NALCN: variants seen among roughly 807,000 people sequenced by gnomAD.
NALCN encodes the protein sodium leak channel NALCN.
Under a neutral mutation model 225.3 loss-of-function variants are expected in NALCN, and 111 were observed. The ratio of observed to expected loss-of-function variants is 0.49; its 90% confidence interval spans 0.42 to 0.58. The LOEUF is 0.58. Ranked by LOEUF, NALCN falls within the 20% of genes least tolerant of loss-of-function variation. The pLI, the probability that NALCN is intolerant of heterozygous loss-of-function variation, is 0.00. For missense variants in NALCN, 1,378 were observed against 2,202.4 expected (o/e 0.63, Z 7.49); for synonymous variants, 764 against 769.0 (o/e 0.99, Z 0.11).
At chr13:101,369,171 T>G in intron 6 of NALCN, among the ~76,000 whole-genome samples, 1 of 149,858 alleles carries the variant, frequency 6.7e-6, no homozygotes, top group Non-Finnish European at 1.5e-5. Context: ...AATAAATGTG[T>G]GTGTGTGTGT....
At chr13:101,239,441 G>A (rs537271257) in intron 11 of NALCN, among the ~76,000 whole-genome samples, 1 of 152,108 alleles carries the variant, frequency 6.6e-6, no homozygotes, top group Non-Finnish European at 1.5e-5. Flanking sequence ...AACTGTGAAT[G>A]ATAAAGATTT....
chr13:101,316,666 T>C (rs1437371579), intron 7 of NALCN, among the ~76,000 whole-genome samples: 5 of 152,232 alleles, frequency 3.3e-5, no homozygotes, highest in Non-Finnish European at 7.4e-5. Context: ...TACCCTTTTA[T>C]ACCTGTACTC....
chr13:101,224,000 C>G (rs746448952), intron 13 of NALCN, among the ~76,000 whole-genome samples: 2 of 152,142 alleles, frequency 1.3e-5, no homozygotes, highest in Non-Finnish European at 2.9e-5. Flanking sequence ...CCTCCTTACA[C>G]CTAAATGGAA....
intron 15 of NALCN, among the ~76,000 whole-genome samples, chr13:101,171,182 A>G (rs1166628713): frequency 6.6e-6 from 1 of 151,396 alleles, no homozygotes; most frequent in Non-Finnish European, 1.5e-5. Flanking sequence ...TGTTTTATAT[A>G]TATGTGTGTA....
intron 1 of NALCN, among the ~76,000 whole-genome samples, chr13:101,416,082 G>A (rs1227817142): frequency 2.0e-5 from 3 of 151,734 alleles, no homozygotes; most frequent in Admixed American, 6.6e-5. Context: ...CGGCCAGGCC[G>A]GCAAGGACCC....
intron 2 of NALCN, 45 bp from the exon 3 acceptor site, chr13:101,395,410 T>G (rs367571463): frequency 1.3e-6 from 2 of 1,573,778 alleles, no homozygotes; most frequent in Middle Eastern, 3.4e-4. Context: ...ATAACTGATA[T>G]CTCAAACTTG....
At position 101,057,956 on chromosome 13, in the gene NALCN, T is replaced by C. The variant is rs760055949; in HGVS notation, c.5006A>G (p.Gln1669Arg). ...GGACCTACCTGAGGGCAGACGCCAC[T>C]GCCCAAATTTCCTCTGGGGTTTCCC... ...DAGKPQRKFGQWRLPSAPKPI... is the reference protein window; with the variant it reads ...DAGKPQRKFGRWRLPSAPKPI... The change falls in exon 43 of 44, where the codon CAG (glutamine) becomes CGG (arginine). Residue 1669 changes from glutamine to arginine, a missense_variant. This residue lies in a region of NALCN where 145 missense variants were observed against 169.6 expected (regional missense o/e 0.85). Transcript: ENST00000251127. The C allele has an allele frequency of 2.2e-5, 36 of 1,613,912 alleles. 1 individual carries two copies. In the South Asian group the frequency reaches 4.0e-4, roughly 18 times the overall value.
At chr13:101,330,616 C>T (rs1218802781) in intron 7 of NALCN, among the ~76,000 whole-genome samples, 1 of 152,152 alleles carries the variant, frequency 6.6e-6, no homozygotes, top group Non-Finnish European at 1.5e-5. Context: ...TTTACAGTGC[C>T]CCCATAATGC....
chr13:101,079,795 T>G (rs1452113), intron 34 of NALCN, among the ~76,000 whole-genome samples: 24,614 of 152,218 alleles, frequency 0.16, 2,275 homozygotes, highest in Non-Finnish European at 0.22. Context: ...AGAGCTCACC[T>G]AGGCTTCATA....
At chr13:101,384,289 G>C (rs1381310860) in intron 3 of NALCN, among the ~76,000 whole-genome samples, 1 of 152,150 alleles carries the variant, frequency 6.6e-6, no homozygotes, top group Non-Finnish European at 1.5e-5. Context: ...GGAGGGCAGA[G>C]AGTGCTTGAG....
chr13:101,111,920 C>T (rs970281559), intron 18 of NALCN, among the ~76,000 whole-genome samples: 2 of 152,116 alleles, frequency 1.3e-5, no homozygotes, highest in Non-Finnish European at 2.9e-5. Context: ...ATCATGATGT[C>T]GGTTTTGAAT....
At chr13:101,144,718 A>C in intron 16 of NALCN, 42 bp downstream of exon 16, 1 of 1,578,782 alleles carries the variant, frequency 6.3e-7, no homozygotes, top group Non-Finnish European at 8.6e-7. Context: ...TGAATCTTTT[A>C]CAATATATGT....
chr13:101,109,111 A>G (rs562619776), intron 20 of NALCN, among the ~76,000 whole-genome samples: 71 of 152,306 alleles, frequency 4.7e-4, no homozygotes, highest in African/African-American at 1.6e-3. Flanking sequence ...AGTAGGTTGT[A>G]CATTTCGGTT....
At chr13:101,134,671 T>C (rs1313204200) in intron 17 of NALCN, among the ~76,000 whole-genome samples, 1 of 152,212 alleles carries the variant, frequency 6.6e-6, no homozygotes, top group Non-Finnish European at 1.5e-5. Flanking sequence ...TAGGAACAGC[T>C]TGTAATATTA....
At chr13:101,222,691 A>G (rs145914896) in intron 13 of NALCN, among the ~76,000 whole-genome samples, 1 of 152,324 alleles carries the variant, frequency 6.6e-6, no homozygotes, top group Non-Finnish European at 1.5e-5. Flanking sequence ...TAATAAGAGC[A>G]CTAACCCTAC....
chr13:101,378,540 C>T (rs1175301586), intron 4 of NALCN, 30 bp downstream of exon 4: 4 of 1,546,950 alleles, frequency 2.6e-6, no homozygotes, highest in Non-Finnish European at 3.5e-6. Context: ...TGGAGAATAC[C>T]TGCTTGTAAT....
At position 101,062,103 on chromosome 13, in the gene NALCN, C is replaced by A. The variant is rs771707046; in HGVS notation, c.4620G>T (p.Arg1540=). The change falls in exon 41 of 44, where the codon CGG becomes CGT. Residue 1540 remains arginine, a synonymous_variant. Transcript: ENST00000251127. The stretch of plus-strand genomic sequence containing the variant: ...GCAAGCTCTTCCGGATGTCCACGGA[C>A]CGGTATGAAAGCATGCTGGTGGGAG... ...FHDVLSMLSY[R]SVDIRKSLQL... 3.1e-6 allele frequency: 5 copies of A among 1,614,084 alleles called. No homozygotes were observed. Among genetic ancestry groups the A allele is most frequent in the Non-Finnish European group, 2.5e-6 (3 of 1,179,982 alleles).
At chr13:101,157,247 T>C (rs1260239621) in intron 15 of NALCN, among the ~76,000 whole-genome samples, 1 of 152,194 alleles carries the variant, frequency 6.6e-6, no homozygotes, top group Admixed American at 6.5e-5. Context: ...TACATGTATT[T>C]CCCTGCTCTT....
chr13:101,099,392 C>A (rs914995481), intron 27 of NALCN, among the ~76,000 whole-genome samples: 2 of 151,724 alleles, frequency 1.3e-5, no homozygotes, highest in Non-Finnish European at 2.9e-5. Context: ...TGTATTTTGT[C>A]ACAATTAGAG....
Sources: allele counts gnomAD v4.1 joint callset (sites outside exome capture counted in the v4.1 genomes callset), GRCh38; gene constraint gnomAD v4.1.1; regional missense constraint gnomAD v4.1.1; transcripts MANE v1.5; gene names NCBI Gene and HGNC (gene_info 2026-07-23, HGNC 2026-07-21).